Variants in ZNF287 observed in about 807,000 individuals in gnomAD.
ZNF287 encodes zinc finger protein with KRAB and SCAN domains 13.
ZNF287 carries 31 observed loss-of-function variants against 73.7 expected under a neutral mutation model. The ratio of observed to expected loss-of-function variants is 0.42; its 90% CI spans 0.32 to 0.57. The LOEUF is 0.57. Among genes scored for constraint, ZNF287 ranks in the 20% least tolerant of loss-of-function variants. The pLI, the probability that ZNF287 is intolerant of heterozygous loss-of-function variation, is 0.13. For synonymous variants in ZNF287, 301 were observed against 307.2 expected (o/e 0.98, Z 0.21); for missense variants, 641 against 909.3 (o/e 0.70, Z 3.79).
intron 5 of ZNF287, among the ~76,000 whole-genome samples, chr17:16,555,629 C>T (rs1483901204): frequency 6.6e-6 from 1 of 151,046 alleles, no homozygotes; most frequent in Non-Finnish European, 1.5e-5. Context: ...CACACACACA[C>T]ACACACACAC....
chr17:16,564,008 C>T (rs1907601279), intron 3 of ZNF287, among the ~76,000 whole-genome samples, 183 bp from the exon 4 acceptor site: 1 of 152,130 alleles, frequency 6.6e-6, no homozygotes, highest in South Asian at 2.1e-4. Flanking sequence ...TCTCCATGAC[C>T]CTAAACGGAA....
rs1320011942 is a variant in ZNF287, at chr17:16,559,195, A to C, written c.715+3951T>G. ...TGGGAAGAGAGCAGAAGGAAAGGAA[A>C]TGTATACCTTTCTATATAGTTTTTG... On this transcript the variant is annotated intron_variant, in intron 5 of 5. Transcript: ENST00000395825. 2.6e-5 allele frequency: 4 copies of C among 152,074 alleles called. 1 individual carries two copies. 9.4% of individuals were successfully genotyped at this position (152,074 alleles called of 1,614,324 possible).
At chr17:16,560,697 G>A (rs1907390236) in intron 5 of ZNF287, among the ~76,000 whole-genome samples, 1 of 151,372 alleles carries the variant, frequency 6.6e-6, no homozygotes. Context: ...TAGAAAAGAT[G>A]ACTGCATTAG....
chr17:16,561,912 T>C (rs766663251), intron 5 of ZNF287, among the ~76,000 whole-genome samples: 13 of 152,334 alleles, frequency 8.5e-5, no homozygotes, highest in South Asian at 4.1e-4. Context: ...CACTATTATA[T>C]AAATGTTAAT....
In ZNF287 at chr17:16,553,267, C is replaced by T. The variant is rs755323329; in HGVS notation, c.875G>A (p.Arg292Lys). Residue 292 changes from arginine (R) to lysine (K), a missense_variant, in exon 6 of 6, where the codon AGA (arginine) becomes AAA (lysine). Physicochemically the swap from Arg to Lys is conservative, Grantham distance 26. Around this residue, in one of 2 missense-constraint regions of ZNF287, gnomAD observed 357 missense variants for 442.4 expected, o/e 0.81. Coordinates refer to ENST00000395825, the MANE Select transcript of ZNF287 (RefSeq NM_020653.4). ...GGFWKIHTDERGFSLKSVLSQ... is the reference protein window; with the variant it reads ...GGFWKIHTDEKGFSLKSVLSQ... ...AAGGACTGACTTCAAACTGAAACCT[C>T]TTTCATCAGTGTGAATTTTCCAGAA... The T allele has an allele frequency of 1.2e-6, 2 of 1,613,824 alleles. No individual in the cohort carries two copies. Among genetic ancestry groups the T allele is most frequent in the South Asian group, 2.2e-5 (2 of 91,054 alleles).
At chr17:16,563,959 C>T (rs956348124) in intron 3 of ZNF287, 134 bp from the exon 4 acceptor site, 2 of 995,242 alleles carry the variant, frequency 2.0e-6, no homozygotes, top group Non-Finnish European at 2.8e-6. Flanking sequence ...GTTGTCTAGT[C>T]AAAACCCTCC....
intron 5 of ZNF287, among the ~76,000 whole-genome samples, chr17:16,558,560 A>G (rs946486326): frequency 6.6e-6 from 1 of 152,178 alleles, no homozygotes; most frequent in African/African-American, 2.4e-5. Context: ...TCAGCCTCTC[A>G]AAGTGCTGGG....
chr17:16,562,595 G>T (rs955678644), intron 5 of ZNF287, among the ~76,000 whole-genome samples: 10 of 151,968 alleles, frequency 6.6e-5, no homozygotes, highest in Middle Eastern at 3.4e-3. Context: ...GTAGGAACTG[G>T]GTGAATGTGG....
At chr17:16,559,858 A>C (rs917967799) in intron 5 of ZNF287, among the ~76,000 whole-genome samples, 1 of 152,258 alleles carries the variant, frequency 6.6e-6, no homozygotes, top group African/African-American at 2.4e-5. Flanking sequence ...AGAGTGCCCA[A>C]ATTTGGGACA....
intron 5 of ZNF287, among the ~76,000 whole-genome samples, chr17:16,562,488 C>T (rs1399656376): frequency 6.6e-6 from 1 of 152,130 alleles, no homozygotes; most frequent in East Asian, 1.9e-4. Context: ...ACTTTATTAC[C>T]TGACTTCTAC....
At position 16,550,067 on chromosome 17, in the gene ZNF287, C is replaced by T. The variant is rs996517660; in HGVS notation, c.*1789G>A. Among the ~76,000 whole-genome samples the T allele has an allele frequency of 1.3e-5, 2 of 152,052 alleles. No homozygotes were observed. Among genetic ancestry groups the T allele is most frequent in the Admixed American group, 6.6e-5 (1 of 15,266 alleles). On this transcript the variant is annotated 3_prime_UTR_variant, in exon 6 of 6. Transcript: ENST00000395825. ...GAAATCTCAGTTCTCAGAATATGGCCTTATATTCTGGTAGTGGAATGCTGT... is the reference window on the plus strand; with the variant it reads ...GAAATCTCAGTTCTCAGAATATGGCTTTATATTCTGGTAGTGGAATGCTGT...
intron 4 of ZNF287, 124 bp downstream of exon 4, chr17:16,563,575 T>A (rs1907572001): frequency 8.6e-7 from 1 of 1,165,700 alleles, no homozygotes; most frequent in Admixed American, 2.5e-5. Context: ...AAACAGTCAC[T>A]TTCGTGCTTG....
rs1057010868 is a variant in ZNF287, at chr17:16,551,372, C to G, written c.*484G>C. 3 of 157,934 alleles carry G rather than the reference C, an allele frequency of 1.9e-5. No homozygotes were observed. Among genetic ancestry groups the G allele is most frequent in the Admixed American group, 5.9e-5 (1 of 16,808 alleles). 9.8% of individuals were successfully genotyped at this position (157,934 alleles called of 1,614,324 possible). On this transcript the variant is annotated 3_prime_UTR_variant, in exon 6 of 6. Transcript: ENST00000395825. ...AACAACACATTTGAACTGTACAGAT[C>G]CATTTATACTGGAATTTTTTTTTTC...
intron 5 of ZNF287, 84 bp downstream of exon 5, chr17:16,563,061 TG>T: frequency 9.1e-7 from 1 of 1,102,052 alleles, no homozygotes; most frequent in Non-Finnish European, 1.3e-6. Flanking sequence ...AAAAGTGACC[TG>T]GTCATATTTA....
At chr17:16,555,837 T>TTA (rs1907020558) in intron 5 of ZNF287, among the ~76,000 whole-genome samples, 1 of 152,222 alleles carries the variant, frequency 6.6e-6, no homozygotes, top group Non-Finnish European at 1.5e-5. Context: ...ATAATGTAAT[T>TTA]TAATCAAATA....
intron 3 of ZNF287, among the ~76,000 whole-genome samples, chr17:16,566,322 G>C (rs912097478): frequency 3.3e-5 from 5 of 152,130 alleles, no homozygotes; most frequent in South Asian, 2.1e-4. Flanking sequence ...AGTAAGGAAA[G>C]ACATATCAAG....
chr17:16,557,938 A>C (rs1403339462), intron 5 of ZNF287: 5 of 152,210 alleles, frequency 3.3e-5, no homozygotes. Context: ...ATGCATAACT[A>C]TACATTGCCC....
chr17:16,552,730 TGATG>T lies in ZNF287; in HGVS notation c.1408_1411del (p.His470LysfsTer25). 1 of 1,614,148 alleles carries T rather than the reference TGATG, an allele frequency of 6.2e-7. No homozygotes were observed. The highest frequency in any genetic ancestry group is 8.5e-7 in the Non-Finnish European group (1 of 1,180,024). On this transcript the variant is annotated frameshift_variant, in exon 6 of 6. Coordinates refer to ENST00000395825, the MANE Select transcript of ZNF287 (RefSeq NM_020653.4). LOFTEE classifies it high-confidence loss of function. This position sits in a 1 kb window ranked among gnomAD's most constrained non-coding sequence, Gnocchi z 6.5. Reference sequence around the variant, plus strand: ...TGGTTTCTCTCCAGTATGTGTCCTTTGATGGATGGTAAGGTGTGCACGCTGACTG... The same window carrying T: ...TGGTTTCTCTCCAGTATGTGTCCTTTGATGGTAAGGTGTGCACGCTGACTG...
At chr17:16,555,030 G>C (rs543292975) in intron 5 of ZNF287, among the ~76,000 whole-genome samples, 1 of 152,294 alleles carries the variant, frequency 6.6e-6, no homozygotes, top group South Asian at 2.1e-4. Context: ...ACCCAATATA[G>C]TATTGGGCTC....
Sources: allele counts gnomAD v4.1 joint callset (sites outside exome capture counted in the v4.1 genomes callset), GRCh38; gene constraint gnomAD v4.1.1; regional missense constraint gnomAD v4.1.1; non-coding constraint Gnocchi (gnomAD v3.1); transcripts MANE v1.5; gene names NCBI Gene and HGNC (gene_info 2026-07-23, HGNC 2026-07-21).